The following MTHFD2L variants were observed in gnomAD, a reference collection of about 807,000 sequenced individuals.
MTHFD2L encodes bifunctional methylenetetrahydrofolate dehydrogenase/cyclohydrolase 2, mitochondrial.
In MTHFD2L, 29 loss-of-function variants were observed where a neutral mutation model predicts 34.9. That is an observed-to-expected ratio of 0.83 (90% CI 0.62 to 1.13). The LOEUF (loss-of-function observed/expected upper bound fraction) is 1.13. Among genes scored for constraint, MTHFD2L ranks in the 50% most tolerant of loss-of-function variants. The pLI is 0.00. For missense variants in MTHFD2L, 481 were observed against 446.5 expected (o/e 1.08, Z -0.70); for synonymous variants, 167 against 155.7 (o/e 1.07, Z -0.54).
intron 7 of MTHFD2L, among the ~76,000 whole-genome samples, chr4:74,294,897 G>A (rs914912998): frequency 2.0e-5 from 3 of 152,022 alleles, no homozygotes; most frequent in Non-Finnish European, 4.4e-5. Context: ...GACATGCATG[G>A]CAGGCTGAAA....
At chr4:74,248,099 C>A (rs1334578677) in intron 6 of MTHFD2L, among the ~76,000 whole-genome samples, 2 of 151,726 alleles carry the variant, frequency 1.3e-5, no homozygotes. Flanking sequence ...GGCTGTGAAT[C>A]CATCTGGTCC....
At chr4:74,145,349 C>A (rs1274732641) in intron 1 of MTHFD2L, among the ~76,000 whole-genome samples, 1 of 152,022 alleles carries the variant, frequency 6.6e-6, no homozygotes, top group Non-Finnish European at 1.5e-5. Context: ...TTAAAATATA[C>A]AGGAGGATGT....
At position 74,199,793 on chromosome 4, in the gene MTHFD2L, G is replaced by A; in HGVS notation, c.452-1G>A. 1.3e-6 allele frequency: 2 copies of A among 1,590,550 alleles called. No individual in the cohort carries two copies. Among genetic ancestry groups the A allele is most frequent in the Non-Finnish European group, 1.7e-6 (2 of 1,170,800 alleles). ...TTAGACAAATTTTATTTATTTTTCA[G>A]ACCACGTTGATGAGCGAACAATATG... On this transcript the variant is annotated splice_acceptor_variant, in intron 3 of 7. Coordinates refer to ENST00000325278, the MANE Select transcript of MTHFD2L (RefSeq NM_001144978.3). LOFTEE classifies it high-confidence loss of function.
At chr4:74,143,537 C>A in intron 1 of MTHFD2L, 1 of 579,062 alleles carries the variant, frequency 1.7e-6, no homozygotes, top group Non-Finnish European at 2.2e-6. Flanking sequence ...TTCCCTGGAA[C>A]CCATGTCAGC....
chr4:74,295,053 T>G (rs1246102766), intron 7 of MTHFD2L, among the ~76,000 whole-genome samples: 8 of 152,116 alleles, frequency 5.3e-5, no homozygotes, highest in Admixed American at 5.2e-4. Context: ...ACAAAAATGA[T>G]CACTCCTAAA....
chr4:74,247,948 G>T (rs546701971), intron 6 of MTHFD2L, among the ~76,000 whole-genome samples: 3,112 of 151,966 alleles, frequency 0.02, 88 homozygotes, highest in African/African-American at 0.07. Context: ...TCTCTTTTTT[G>T]GTTGTGTCTC....
chr4:74,257,897 T>G (rs1443321912), intron 6 of MTHFD2L, among the ~76,000 whole-genome samples: 1 of 151,926 alleles, frequency 6.6e-6, no homozygotes, highest in Non-Finnish European at 1.5e-5. Context: ...CACACACACA[T>G]ACATGATGTG....
intron 5 of MTHFD2L, among the ~76,000 whole-genome samples, chr4:74,203,814 A>G (rs1244629735): frequency 6.6e-6 from 1 of 152,182 alleles, no homozygotes; most frequent in Non-Finnish European, 1.5e-5. Flanking sequence ...TGTTCCAGCC[A>G]TATCACAAGA....
At chr4:74,241,800 A>G (rs1164029662) in intron 6 of MTHFD2L, 1 of 167,416 alleles carries the variant, frequency 6.0e-6, no homozygotes, top group Non-Finnish European at 1.3e-5. Flanking sequence ...TCAGCAGTGA[A>G]AAGGAATGAA....
chr4:74,167,488 C>G (rs1726964660), intron 1 of MTHFD2L, among the ~76,000 whole-genome samples: 1 of 152,178 alleles, frequency 6.6e-6, no homozygotes, highest in Non-Finnish European at 1.5e-5. Context: ...AGGTAGACAA[C>G]TAGACAATAT....
At chr4:74,116,073 C>A (rs1158310298) in intron 2 of MTHFD2L, among the ~76,000 whole-genome samples, 1 of 152,156 alleles carries the variant, frequency 6.6e-6, no homozygotes, top group Admixed American at 6.5e-5. Flanking sequence ...ATTTTTCACT[C>A]TGATTATTGG....
At chr4:74,166,859 C>G (rs1726825182) in intron 1 of MTHFD2L, among the ~76,000 whole-genome samples, 1 of 152,188 alleles carries the variant, frequency 6.6e-6, no homozygotes, top group Non-Finnish European at 1.5e-5. Context: ...CCCCAGGGAC[C>G]CAAACTCTGC....
intron 6 of MTHFD2L, among the ~76,000 whole-genome samples, chr4:74,279,220 A>G (rs1439436210): frequency 6.6e-6 from 1 of 152,064 alleles, no homozygotes; most frequent in Non-Finnish European, 1.5e-5. Flanking sequence ...GAAATGGGAA[A>G]ATGCTCACAT....
At chr4:74,188,505 A>G (rs1731758013) in intron 3 of MTHFD2L, among the ~76,000 whole-genome samples, 1 of 152,180 alleles carries the variant, frequency 6.6e-6, no homozygotes, top group Non-Finnish European at 1.5e-5. Flanking sequence ...ATTAAGTGTT[A>G]CAGCTTTAAT....
At chr4:74,181,409 A>G (rs1474477304) in intron 3 of MTHFD2L, among the ~76,000 whole-genome samples, 1 of 152,166 alleles carries the variant, frequency 6.6e-6, no homozygotes, top group Non-Finnish European at 1.5e-5. Flanking sequence ...TTACCAGTAG[A>G]TGCTATTTCT....
chr4:74,169,946 C>A (rs2109936396), intron 1 of MTHFD2L, among the ~76,000 whole-genome samples: 1 of 152,268 alleles, frequency 6.6e-6, no homozygotes, highest in South Asian at 2.1e-4. Flanking sequence ...TATTAGATAA[C>A]CTGAATTGCC....
intron 3 of MTHFD2L, chr4:74,180,567 A>G (rs1020253714): frequency 2.4e-5 from 5 of 207,166 alleles, no homozygotes; most frequent in Non-Finnish European, 4.4e-5. Context: ...TAAGAATTAA[A>G]CAGAATGTGC....
chr4:74,185,151 CAAAA>C (rs1169021073), intron 3 of MTHFD2L, among the ~76,000 whole-genome samples: 2 of 15,978 alleles, frequency 1.3e-4, no homozygotes, highest in Non-Finnish European at 2.7e-4. Context: ...GACTCCATCT[CAAAA>C]AAAAAAAAAA....
At chr4:74,125,697 A>C (rs1722018206) in intron 1 of MTHFD2L, among the ~76,000 whole-genome samples, 2 of 152,100 alleles carry the variant, frequency 1.3e-5, no homozygotes, top group Admixed American at 6.6e-5. Context: ...AGCGATAGTA[A>C]TTTGCTTTTT....
Sources: gnomAD v4.1 joint callset for allele counts (sites outside exome capture counted in the v4.1 genomes callset) on GRCh38, gnomAD v4.1.1 for gene constraint, MANE v1.5 for transcripts, NCBI Gene and HGNC (gene_info 2026-07-23, HGNC 2026-07-21) for gene names.